Variants in GALNTL6 observed in about 807,000 individuals in gnomAD.
GALNTL6 encodes the protein polypeptide N-acetylgalactosaminyltransferase like 6.
In GALNTL6, 46 loss-of-function variants were observed where a neutral mutation model predicts 73.7. That is an observed-to-expected ratio of 0.62 (90% CI 0.49 to 0.80). The LOEUF (loss-of-function observed/expected upper bound fraction) is 0.80, where lower values mean the gene tolerates loss of function less well. Ranked by LOEUF, GALNTL6 falls within the 30% of genes least tolerant of loss-of-function variation. The pLI, the probability that GALNTL6 is intolerant of heterozygous loss-of-function variation, is 0.00. For missense variants in GALNTL6, 604 were observed against 755.0 expected, an observed-to-expected ratio of 0.80 and a Z score of 2.34; for synonymous variants, 259 against 263.7, an observed-to-expected ratio of 0.98 and a Z score of 0.17.
chr4:172,981,478 T>G (rs540410923), intron 10 of GALNTL6, among the ~76,000 whole-genome samples: 1 of 152,212 alleles, frequency 6.6e-6, no homozygotes, highest in Non-Finnish European at 1.5e-5. Flanking sequence ...AAACACCTTT[T>G]CATGTATTTA....
Position 172,308,003 on chromosome 4 carries a change from C to CT in GALNTL6, c.248-3581dup, listed in dbSNP as rs70941399. ...TCCATGAGCATGGGATGTGTTTTAA[C>CT]TTTTTTTTTTTTTTTTTTTTTTTTT... On this transcript the variant is annotated intron_variant, in intron 3 of 12. Coordinates refer to ENST00000506823, the MANE Select transcript of GALNTL6 (RefSeq NM_001034845.3). 2.3e-3 allele frequency among the ~76,000 whole-genome samples: 79 copies of CT among 34,584 alleles called. 4 individuals carry two copies. The highest frequency in any genetic ancestry group is 7.5e-3 in the African/African-American group (73 of 9,714). 22.7% of individuals were successfully genotyped at this position (34,584 alleles called of 152,430 possible). A position where few individuals can be genotyped will look rare whatever the true frequency, so the allele number is the denominator to read the frequency against.
chr4:172,874,533 T>C (rs1443009494), intron 7 of GALNTL6, among the ~76,000 whole-genome samples: 1 of 152,296 alleles, frequency 6.6e-6, no homozygotes, highest in East Asian at 1.9e-4. Flanking sequence ...TAAGATCTAA[T>C]CTATGTTTTA....
At chr4:172,731,268 G>A (rs915613432) in intron 5 of GALNTL6, among the ~76,000 whole-genome samples, 8 of 152,194 alleles carry the variant, frequency 5.3e-5, no homozygotes, top group African/African-American at 1.7e-4. Context: ...ATTTCCTGGT[G>A]ATTCAATCTT....
intron 10 of GALNTL6, among the ~76,000 whole-genome samples, chr4:172,961,853 T>C (rs759525858): frequency 2.7e-4 from 41 of 152,224 alleles, no homozygotes; most frequent in Non-Finnish European, 4.3e-4. Flanking sequence ...AGACAGGGGA[T>C]TGATCTCCCA....
At chr4:172,981,358 C>G (rs1252649179) in intron 10 of GALNTL6, among the ~76,000 whole-genome samples, 1 of 152,334 alleles carries the variant, frequency 6.6e-6, no homozygotes, top group African/African-American at 2.4e-5. Flanking sequence ...TACTTGCCAA[C>G]ACTTGTAGTT....
Position 173,021,813 on chromosome 4 carries a change from C to A in GALNTL6, c.1638+188C>A, listed in dbSNP as rs1315210125. 2.0e-5 allele frequency among the ~76,000 whole-genome samples: 3 copies of A among 151,754 alleles called. No homozygotes were observed. In the East Asian group the frequency reaches 5.8e-4, roughly 29 times the overall value. On this transcript the variant is annotated intron_variant, in intron 12 of 12. Transcript: ENST00000506823. The stretch of plus-strand genomic sequence containing the variant: ...TTTGAGACCAGCCTGACCAACATAG[C>A]GAAACCCCATCTCTACTGAAAATAC...
rs1423144712 is a variant in GALNTL6 at position 172,380,259 on chromosome 4, G to A, written c.553+31570G>A. The A allele has an allele frequency of 3.5e-6, 3 of 861,836 alleles. No homozygotes were observed. In the African/African-American group the frequency reaches 5.0e-5, roughly 14 times the overall value. The allele number at this position is 861,836 out of a possible 1,614,324, so 53.4% of individuals were successfully genotyped here. The stretch of plus-strand genomic sequence containing the variant: ...CTCCCCAACTTGTCTACATTAGGAT[G>A]ACAAATTTTGGTCATAAAACGCACT... On this transcript the variant is annotated intron_variant, in intron 5 of 12. Transcript: ENST00000506823.
intron 2 of GALNTL6, among the ~76,000 whole-genome samples, chr4:172,227,334 C>G (rs759744720): frequency 1.7e-4 from 26 of 152,142 alleles, no homozygotes; most frequent in Non-Finnish European, 3.4e-4. Context: ...CATAGGCTAA[C>G]AACATAGGCT....
intron 2 of GALNTL6, among the ~76,000 whole-genome samples, chr4:172,093,072 C>G (rs1420687814): frequency 6.6e-6 from 1 of 151,910 alleles, no homozygotes; most frequent in African/African-American, 2.4e-5. Context: ...TGGGGTTTCA[C>G]CATGTTGGAC....
At chr4:172,176,212 C>T (rs1734989843) in intron 2 of GALNTL6, among the ~76,000 whole-genome samples, 1 of 151,416 alleles carries the variant, frequency 6.6e-6, no homozygotes, top group South Asian at 2.1e-4. Context: ...AGGTGGCGGG[C>T]ACCTGTAGTC....
chr4:172,940,592 A>G (rs1579684146), intron 9 of GALNTL6, among the ~76,000 whole-genome samples: 1 of 151,410 alleles, frequency 6.6e-6, no homozygotes, highest in Non-Finnish European at 1.5e-5. Context: ...CGATCTCTTG[A>G]CCTCATGATC....
chr4:172,104,036 T>C (rs10022848), intron 2 of GALNTL6, among the ~76,000 whole-genome samples: 87,120 of 151,094 alleles, frequency 0.58, 26,123 homozygotes, highest in African/African-American at 0.76. Flanking sequence ...CTCCGCCTCC[T>C]GGGTTCACGC....
At chr4:172,602,674 G>T (rs1357393898) in intron 5 of GALNTL6, among the ~76,000 whole-genome samples, 3 of 152,118 alleles carry the variant, frequency 2.0e-5, no homozygotes, top group Non-Finnish European at 4.4e-5. Context: ...TGGGGGAAAA[G>T]ATTGGCAGCT....
intron 5 of GALNTL6, among the ~76,000 whole-genome samples, chr4:172,699,801 G>A (rs1226904632): frequency 1.5e-5 from 2 of 134,872 alleles, no homozygotes; most frequent in African/African-American, 5.8e-5. Context: ...AAATATTGAT[G>A]TATTACAAAA....
intron 2 of GALNTL6, among the ~76,000 whole-genome samples, chr4:172,105,681 G>A (rs1013206918): frequency 6.6e-6 from 1 of 152,032 alleles, no homozygotes; most frequent in African/African-American, 2.4e-5. Context: ...TAAATATGAT[G>A]AAATAATTCC....
chr4:172,526,241 T>C (rs1396646889), intron 5 of GALNTL6, among the ~76,000 whole-genome samples: 2 of 152,212 alleles, frequency 1.3e-5, no homozygotes, highest in Non-Finnish European at 2.9e-5. Context: ...ATATTTACTT[T>C]TCACTTTTGT....
At chr4:173,037,885 G>A (rs1349472938) in intron 12 of GALNTL6, among the ~76,000 whole-genome samples, 1 of 152,078 alleles carries the variant, frequency 6.6e-6, no homozygotes, top group East Asian at 1.9e-4. Flanking sequence ...TGGATTTACA[G>A]ATGTGCACCA....
chr4:172,130,077 T>C (rs1733444174), intron 2 of GALNTL6, among the ~76,000 whole-genome samples: 2 of 152,078 alleles, frequency 1.3e-5, no homozygotes, highest in African/African-American at 4.8e-5. Context: ...ACAATGAGAA[T>C]TACATCATTG....
intron 10 of GALNTL6, among the ~76,000 whole-genome samples, chr4:172,955,928 G>T (rs962561900): frequency 6.6e-6 from 1 of 152,154 alleles, no homozygotes; most frequent in African/African-American, 2.4e-5. Flanking sequence ...AATGTCATCA[G>T]TTAAGGCAGG....
Sources: allele counts gnomAD v4.1 joint callset (sites outside exome capture counted in the v4.1 genomes callset), GRCh38; gene constraint gnomAD v4.1.1; transcripts MANE v1.5; gene names NCBI Gene and HGNC (gene_info 2026-07-23, HGNC 2026-07-21).